TTN: variants seen among roughly 807,000 people sequenced by gnomAD.
TTN encodes the protein titin.
TTN carries 1,525 observed loss-of-function variants against 3,223.0 expected under a neutral mutation model. The observed-to-expected ratio is 0.47, with a 90% confidence interval of 0.45 to 0.49. The LOEUF is 0.49. TTN is among the 20% of genes least tolerant of loss of function. TTN has a pLI of 0.00. For missense variants in TTN, 40,786 were observed against 43,424.0 expected (o/e 0.94, Z 5.40); for synonymous variants, 14,094 against 15,161.0 (o/e 0.93, Z 5.17).
intron 158 of TTN, 67 bp downstream of exon 158, chr2:178,669,525 A>G: frequency 6.3e-7 from 1 of 1,596,284 alleles, no homozygotes; most frequent in Non-Finnish European, 8.6e-7. Flanking sequence ...TGTCACACAC[A>G]TTCACTTTAA....
In TTN at chr2:178,664,401, G is replaced by A. The variant is rs769421183; in HGVS notation, c.36280+59C>T. The A allele has an allele frequency of 6.8e-6, 9 of 1,322,324 alleles. No homozygotes were observed. In the Admixed American group the frequency reaches 8.2e-5, roughly 12 times the overall value. 81.9% of individuals were successfully genotyped at this position (1,322,324 alleles called of 1,614,324 possible). ...CAAAATAATTTTCAAAACTAGAAAG[G>A]TGGTCCTTTCTATCGCCCCACCCAC... is the stretch of plus-strand genomic sequence containing the variant. On this transcript the variant is annotated intron_variant, in intron 168 of 362. Transcript: ENST00000589042.
intron 47 of TTN, chr2:178,750,909 C>T (rs866221573): frequency 1.2e-6 from 2 of 1,612,776 alleles, no homozygotes; most frequent in Non-Finnish European, 1.7e-6. Context: ...TGGGTATTTT[C>T]ATTTACTAGA....
rs1170043972 is a variant in TTN at position 178,599,277 on chromosome 2, G to A, written c.56516C>T (p.Pro18839Leu). Reference sequence around the variant, plus strand: ...GGGAATCGTGTACGTGCACTCCTTAGGTTCACTGGAGACATGGACCCATGT... The same window carrying A: ...GGGAATCGTGTACGTGCACTCCTTAAGTTCACTGGAGACATGGACCCATGT... ...RKTWVHVSSE[P>L]KECTYTIPKL... The change falls in exon 290 of 363, where the codon CCT (proline) becomes CTT (leucine). Residue 18839 changes from proline (P) to leucine (L), a missense_variant. Pro to Leu is a moderately conservative substitution (Grantham distance 98). Coordinates refer to ENST00000589042, the MANE Select transcript of TTN (RefSeq NM_001267550.2). 3.1e-6 allele frequency: 5 copies of A among 1,599,296 alleles called. No homozygotes were observed. Among genetic ancestry groups the A allele is most frequent in the Non-Finnish European group, 1.7e-6 (2 of 1,174,934 alleles).
At position 178,617,198 on chromosome 2, in the gene TTN, T is replaced by C. The variant is rs2057499255; in HGVS notation, c.47797A>G (p.Arg15933Gly). 1 of 1,569,062 alleles carries C rather than the reference T, an allele frequency of 6.4e-7. No individual in the cohort carries two copies. The highest frequency in any genetic ancestry group is 1.4e-5 in the African/African-American group (1 of 72,862). ...CCAGCTTTATTTTCTGCAGATACTC[T>C]ATATAAATATTTATTTCCTTTTTCC... ...GLEKGNKYLY[R>G]VSAENKAGVS... is the part of the protein sequence containing the mutation. The change falls in exon 255 of 363, where the codon AGA becomes GGA. Residue 15933 changes from arginine to glycine, a missense_variant. Physicochemically the swap from Arg to Gly is moderately radical, Grantham distance 125 (BLOSUM62 -2). Coordinates refer to ENST00000589042, the MANE Select transcript of TTN (RefSeq NM_001267550.2).
chr2:178,610,528 A>T, intron 270 of TTN, 139 bp from the exon 271 acceptor site: 1 of 927,372 alleles, frequency 1.1e-6, no homozygotes, highest in Non-Finnish European at 1.6e-6. Context: ...ACTGCAGAGC[A>T]TTTAGCATCC....
chr2:178,740,526 G>C lies in TTN; in HGVS notation c.12707C>G (p.Pro4236Arg). The C allele has an allele frequency of 6.2e-7, 1 of 1,613,716 alleles. No homozygotes were observed. The highest frequency in any genetic ancestry group is 1.1e-5 in the South Asian group (1 of 91,066). Residue 4236 changes from proline to arginine, a missense_variant, in exon 48 of 363, where the codon CCA becomes CGA. By Grantham distance (103) the Pro-to-Arg change is moderately radical (BLOSUM62 -2). Transcript: ENST00000589042. ...LTSVAEEVLS[P>R]KEKTVSDTNR... ...GGTGTCAGATACTGTCTTTTCTTTT[G>C]GTGAAAGTACTTCCTCAGCCACAGA...
chr2:178,616,723 C>T lies in TTN; in HGVS notation c.48160+6G>A. 6.2e-7 allele frequency: 1 copy of T among 1,612,270 alleles called. No individual in the cohort carries two copies. Among genetic ancestry groups the T allele is most frequent in the Non-Finnish European group, 8.5e-7 (1 of 1,179,090 alleles). ...CACCTTAGATGATAAATGTTTTGTT[C>T]CTTACCAATTACATTGACATCAATT... On this transcript the variant is annotated splice_donor_region_variant and intron_variant, in intron 256 of 362. Coordinates refer to ENST00000589042, the MANE Select transcript of TTN (RefSeq NM_001267550.2).
At position 178,620,847 on chromosome 2, in the gene TTN, T is replaced by C; in HGVS notation, c.45763A>G (p.Ile15255Val). 1 of 1,612,524 alleles carries C rather than the reference T, an allele frequency of 6.2e-7. No individual in the cohort carries two copies. Among genetic ancestry groups the C allele is most frequent in the Non-Finnish European group, 8.5e-7 (1 of 1,179,100 alleles). Residue 15255 changes from isoleucine (I) to valine (V), a missense_variant, in exon 247 of 363, where the codon ATT becomes GTT. By Grantham distance (29) the Ile-to-Val change is conservative. Transcript: ENST00000589042. The stretch of plus-strand genomic sequence containing the variant: ...GTGTAGACTAGGTCTTTTTGGAGAA[T>C]GATGTATTTTGAACTATCAAATATA... ...EAIFDSSKYI[I>V]LQKDLVYTLR...
At chr2:178,770,756 A>C (rs376976266) in intron 34 of TTN, 81 bp from the exon 35 acceptor site, 28 of 1,519,250 alleles carry the variant, frequency 1.8e-5, no homozygotes, top group Middle Eastern at 1.7e-4. Flanking sequence ...ATCATTGCTT[A>C]CTCACCCTGC....
At position 178,573,865 on chromosome 2, in the gene TTN, G is replaced by T; in HGVS notation, c.72267C>A (p.Asn24089Lys). Residue 24089 changes from asparagine to lysine, a missense_variant, in exon 326 of 363, where the codon AAC (asparagine) becomes AAA (lysine). Physicochemically the swap from Asn to Lys is moderately conservative, Grantham distance 94. Transcript: ENST00000589042. ...KIADFSTNLV[N>K]KDSTRRDSGA... ...CACTATCCCTTCTTGTTGAATCTTT[G>T]TTTACCAGATTAGTAGAGAAATCTG... The T allele has an allele frequency of 6.2e-7, 1 of 1,611,150 alleles. No individual in the cohort carries two copies.
Position 178,545,443 on chromosome 2 carries a change from A to C in TTN, c.95667T>G (p.Ala31889=), listed in dbSNP as rs773412750. The change falls in exon 344 of 363, where the codon GCT becomes GCG. Residue 31889 remains alanine, a synonymous_variant. Coordinates refer to ENST00000589042, the MANE Select transcript of TTN (RefSeq NM_001267550.2). ...YQFRVTAVNA[A]GNSEPSEASN... ...AAGCTTCGCTGGGCTCACTGTTACC[A>C]GCTGCATTCACTGCGGTCACCCGGA... is the stretch of plus-strand genomic sequence containing the variant. 6.2e-7 allele frequency: 1 copy of C among 1,609,658 alleles called. No homozygotes were observed. The highest frequency in any genetic ancestry group is 1.1e-5 in the South Asian group (1 of 90,870).
chr2:178,729,880 A>G lies in TTN; in HGVS notation c.18373T>C (p.Phe6125Leu). The G allele has an allele frequency of 6.2e-7, 1 of 1,613,510 alleles. No individual in the cohort carries two copies. Among genetic ancestry groups the G allele is most frequent in the South Asian group, 1.1e-5 (1 of 91,072 alleles). The change falls in exon 63 of 363, where the codon TTT becomes CTT. Residue 6125 changes from phenylalanine (F) to leucine (L), a missense_variant. Transcript: ENST00000589042. ...LVLRNGQSTTFECQITGTPKI... is the reference protein window; with the variant it reads ...LVLRNGQSTTLECQITGTPKI... ...GGAGTGCCTGTTATTTGGCATTCAA[A>G]TGTTGTTGACTGTCCATTCCTCAGC...
chr2:178,618,139 A>C, intron 252 of TTN, 50 bp downstream of exon 252: 1 of 1,610,174 alleles, frequency 6.2e-7, no homozygotes, highest in Non-Finnish European at 8.5e-7. Context: ...ATGAAGGCAA[A>C]GACTGCAATT....
chr2:178,746,326 A>G (rs750509851), intron 47 of TTN: 2 of 1,612,474 alleles, frequency 1.2e-6, no homozygotes, highest in Non-Finnish European at 1.7e-6. Flanking sequence ...TTGAATCCAT[A>G]TTTGGATCTA....
chr2:178,548,922 C>A lies in TTN; in HGVS notation c.92704G>T (p.Ala30902Ser), dbSNP rs749405049. 1 of 1,613,916 alleles carries A rather than the reference C, an allele frequency of 6.2e-7. No homozygotes were observed. Among genetic ancestry groups the A allele is most frequent in the Admixed American group, 1.7e-5 (1 of 60,016 alleles). ...ACTTCACAGCTGTCGCCTTTTCCAG[C>A]ACCATTGATAGCACTAACTCGGAAT... Reference protein sequence around the residue: ...YKFRVSAINGAGKGDSCEVTG... With the variant: ...YKFRVSAINGSGKGDSCEVTG... Residue 30902 changes from alanine (A) to serine (S), a missense_variant, in exon 339 of 363, where the codon GCT (alanine) becomes TCT (serine). Physicochemically the swap from Ala to Ser is moderately conservative, Grantham distance 99. Transcript: ENST00000589042. The surrounding 1 kb of genome is among the most constrained non-coding windows in gnomAD (Gnocchi z 4.3).
intron 46 of TTN, 40 bp from the exon 47 acceptor site, chr2:178,753,220 T>C: frequency 3.4e-6 from 5 of 1,478,262 alleles, no homozygotes; most frequent in Non-Finnish European, 4.7e-6. Context: ...TAGTGATTAA[T>C]TGCATATATT....
In TTN at chr2:178,749,552, C is replaced by T. The variant is rs1297138765; in HGVS notation, c.11311+3572G>A. 4 of 1,612,794 alleles carry T rather than the reference C, an allele frequency of 2.5e-6. No homozygotes were observed. In the East Asian group the frequency reaches 6.7e-5, roughly 27 times the overall value. On this transcript the variant is annotated intron_variant, in intron 47 of 362. Transcript: ENST00000589042. Reference sequence around the variant, plus strand: ...AGCTGGATAATCATAAAAATGTGCCCTTACAGATTCTCCCTGGTCTTGCAG... The same window carrying T: ...AGCTGGATAATCATAAAAATGTGCCTTTACAGATTCTCCCTGGTCTTGCAG...
chr2:178,608,158 C>G lies in TTN; in HGVS notation c.52705+20G>C. 6.2e-7 allele frequency: 1 copy of G among 1,600,450 alleles called. No homozygotes were observed. Among genetic ancestry groups the G allele is most frequent in the East Asian group, 2.3e-5 (1 of 44,304 alleles). ...ACAATAGCTTGTTCTACTCCACCTT[C>G]TTCTTAAGGAACTACTTACAGATTG... On this transcript the variant is annotated intron_variant, in intron 275 of 362. Transcript: ENST00000589042.
Position 178,526,142 on chromosome 2 carries a change from G to A in TTN, c.*870C>T, listed in dbSNP as rs1420087569. 1 of 152,616 alleles carries A rather than the reference G, an allele frequency of 6.6e-6. No individual in the cohort carries two copies. The highest frequency in any genetic ancestry group is 1.5e-5 in the Non-Finnish European group (1 of 68,036). 9.5% of individuals were successfully genotyped at this position (152,616 alleles called of 1,614,324 possible). ...TAATATTGTTTAAAATTTAACAACAGCTTTATTTTGTTGTTGTTCTTTACT... is the reference window on the plus strand; with the variant it reads ...TAATATTGTTTAAAATTTAACAACAACTTTATTTTGTTGTTGTTCTTTACT... On this transcript the variant is annotated 3_prime_UTR_variant, in exon 363 of 363. Coordinates refer to ENST00000589042, the MANE Select transcript of TTN (RefSeq NM_001267550.2).
Sources: gnomAD v4.1 joint callset for allele counts on GRCh38, gnomAD v4.1.1 for gene constraint, Gnocchi (gnomAD v3.1) non-coding constraint, MANE v1.5 for transcripts, NCBI Gene and HGNC (gene_info 2026-07-23, HGNC 2026-07-21) for gene names.